Variants in SDK1 observed in about 807,000 individuals in gnomAD.
SDK1 encodes protein sidekick-1.
SDK1 carries 157 observed loss-of-function variants against 245.5 expected under a neutral mutation model. The ratio of observed to expected loss-of-function variants is 0.64; its 90% CI spans 0.56 to 0.73. The LOEUF is 0.73. Among genes scored for constraint, SDK1 ranks in the 30% least tolerant of loss-of-function variants. SDK1 has a pLI of 0.00. For missense variants in SDK1, 3,583 were observed against 3,002.3 expected (o/e 1.19, Z -4.52); for synonymous variants, 1,647 against 1,278.5 (o/e 1.29, Z -6.15).
intron 1 of SDK1, among the ~76,000 whole-genome samples, chr7:3,452,478 G>T (rs6462094): frequency 0.57 from 86,814 of 151,964 alleles, 24,866 homozygotes; most frequent in African/African-American, 0.63. Context: ...CTTATAATTA[G>T]TATGTCAAAA....
chr7:3,629,982 C>T (rs1183933865), intron 2 of SDK1, among the ~76,000 whole-genome samples: 1 of 152,056 alleles, frequency 6.6e-6, no homozygotes, highest in Non-Finnish European at 1.5e-5. Flanking sequence ...AGGATGAAAA[C>T]TATAATGTGT....
At chr7:4,021,183 C>T (rs1369175509) in intron 17 of SDK1, among the ~76,000 whole-genome samples, 4 of 152,150 alleles carry the variant, frequency 2.6e-5, no homozygotes, top group South Asian at 4.1e-4. Context: ...GACCTGCAGT[C>T]TGGCCCTGGA....
intron 1 of SDK1, among the ~76,000 whole-genome samples, chr7:3,306,730 C>T (rs567605832): frequency 6.6e-6 from 1 of 152,276 alleles, no homozygotes; most frequent in East Asian, 1.9e-4. Flanking sequence ...TTATTTCCAT[C>T]CTCAGAGCCC....
intron 4 of SDK1, among the ~76,000 whole-genome samples, chr7:3,654,434 G>T (rs1217798672): frequency 1.3e-5 from 2 of 152,176 alleles, no homozygotes; most frequent in Non-Finnish European, 2.9e-5. Flanking sequence ...GGTGGACTCC[G>T]ATGCTTGTGA....
chr7:3,461,412 C>A (rs1780827928), intron 1 of SDK1, among the ~76,000 whole-genome samples: 1 of 152,182 alleles, frequency 6.6e-6, no homozygotes, highest in Non-Finnish European at 1.5e-5. Context: ...ATAACACCCA[C>A]ATCTTCCTGA....
chr7:3,770,298 T>C (rs918343460), intron 4 of SDK1, among the ~76,000 whole-genome samples: 2 of 152,294 alleles, frequency 1.3e-5, no homozygotes, highest in Non-Finnish European at 2.9e-5. Flanking sequence ...TAATAACTCA[T>C]TCATTTGTAT....
intron 5 of SDK1, among the ~76,000 whole-genome samples, chr7:3,888,651 C>T (rs1479123199): frequency 1.3e-5 from 2 of 152,098 alleles, no homozygotes; most frequent in Non-Finnish European, 2.9e-5. Flanking sequence ...AGAATAGGAT[C>T]TTATAATTTA....
chr7:4,264,337 T>C (rs78125715), intron 44 of SDK1, among the ~76,000 whole-genome samples: 2,786 of 64,620 alleles, frequency 0.043, 56 homozygotes, highest in Non-Finnish European at 0.061. Context: ...GCCGCGTAGA[T>C]CTCTCCTGAG....
chr7:3,418,493 A>G (rs1415523913), intron 1 of SDK1, among the ~76,000 whole-genome samples: 1 of 152,184 alleles, frequency 6.6e-6, no homozygotes, highest in Admixed American at 6.5e-5. Context: ...AGCCAAAAGT[A>G]CAGTCATTTG....
At chr7:3,715,043 C>T (rs1384374186) in intron 4 of SDK1, among the ~76,000 whole-genome samples, 3 of 152,158 alleles carry the variant, frequency 2.0e-5, no homozygotes, top group Non-Finnish European at 4.4e-5. Context: ...ATACTCATCT[C>T]TCAGATGCCT....
intron 30 of SDK1, among the ~76,000 whole-genome samples, chr7:4,153,403 T>A (rs10231053): frequency 1.3e-5 from 2 of 151,824 alleles, no homozygotes; most frequent in Non-Finnish European, 2.9e-5. Flanking sequence ...CTGGCCGATA[T>A]GGTGAAACCC....
chr7:4,137,219 C>T (rs1243694046), intron 28 of SDK1, among the ~76,000 whole-genome samples: 6 of 152,190 alleles, frequency 3.9e-5, no homozygotes, highest in Non-Finnish European at 7.3e-5. Flanking sequence ...GGCTTGAACC[C>T]GGGAGGCGGA....
At chr7:3,704,630 C>G (rs1784834179) in intron 4 of SDK1, among the ~76,000 whole-genome samples, 1 of 152,100 alleles carries the variant, frequency 6.6e-6, no homozygotes, top group Admixed American at 6.5e-5. Context: ...TTCCCCCATT[C>G]TGTAGGTTGT....
chr7:4,028,127 A>G (rs1464158380), intron 17 of SDK1, among the ~76,000 whole-genome samples: 5 of 152,190 alleles, frequency 3.3e-5, no homozygotes, highest in African/African-American at 1.2e-4. Flanking sequence ...AACATCTCCT[A>G]GGAACTTGTT....
At chr7:3,944,103 A>G (rs980400828) in intron 5 of SDK1, among the ~76,000 whole-genome samples, 5 of 152,240 alleles carry the variant, frequency 3.3e-5, no homozygotes, top group African/African-American at 1.2e-4. Flanking sequence ...TTTTTGCTTA[A>G]CAGAGCACAA....
intron 32 of SDK1, 38 bp downstream of exon 32, chr7:4,161,894 T>C (rs763360194): frequency 1.7e-5 from 27 of 1,562,948 alleles, no homozygotes; most frequent in Admixed American, 1.3e-4. Flanking sequence ...TTGTCAAATG[T>C]GTTCTCATTT....
rs1788393346 is a variant in SDK1 at position 4,265,282 on chromosome 7, G to A, written c.6540G>A (p.Ala2180=). ...CGGTGGCGGGCTCCGAGGCGGGCGCGCAGCTGCACCCGGTCATCACCACGC... is the reference window on the plus strand; with the variant it reads ...CGGTGGCGGGCTCCGAGGCGGGCGCACAGCTGCACCCGGTCATCACCACGC... ...YEAVAGSEAG[A]QLHPVITTQS... The change falls in exon 45 of 45, where the codon GCG becomes GCA. Residue 2180 remains alanine (A), a synonymous_variant. Transcript: ENST00000404826. 3.2e-6 allele frequency: 5 copies of A among 1,587,126 alleles called. No individual in the cohort carries two copies. The highest frequency in any genetic ancestry group is 3.4e-6 in the Non-Finnish European group (4 of 1,173,322).
At chr7:3,723,713 C>T (rs986989375) in intron 4 of SDK1, among the ~76,000 whole-genome samples, 18 of 150,548 alleles carry the variant, frequency 1.2e-4, no homozygotes, top group African/African-American at 3.4e-4. Context: ...TACATATACA[C>T]GTGTATATAC....
At chr7:3,586,531 A>C (rs1196828243) in intron 1 of SDK1, among the ~76,000 whole-genome samples, 1 of 149,810 alleles carries the variant, frequency 6.7e-6, no homozygotes, top group Admixed American at 6.8e-5. Context: ...CCCTGTCTCT[A>C]CAAAAAATAC....
Sources: gnomAD v4.1 joint callset for allele counts (sites outside exome capture counted in the v4.1 genomes callset) on GRCh38, gnomAD v4.1.1 for gene constraint, MANE v1.5 for transcripts, NCBI Gene and HGNC (gene_info 2026-07-23, HGNC 2026-07-21) for gene names.